The following ZBTB7C variants were observed in gnomAD, a reference collection of about 807,000 sequenced individuals.
The protein encoded by ZBTB7C is zinc finger and BTB domain containing 7C.
In ZBTB7C, 8 loss-of-function variants were observed where a neutral mutation model predicts 25.7. The ratio of observed to expected loss-of-function variants is 0.31; its 90% CI spans 0.18 to 0.56. The LOEUF is 0.56. ZBTB7C is among the 20% of genes least tolerant of loss of function. The pLI, the probability that ZBTB7C is intolerant of heterozygous loss-of-function variation, is 0.91. For synonymous variants in ZBTB7C, 394 were observed against 369.0 expected, an observed-to-expected ratio of 1.07 and a Z score of -0.78; for missense variants, 824 against 855.2, an observed-to-expected ratio of 0.96 and a Z score of 0.46.
intron 2 of ZBTB7C, among the ~76,000 whole-genome samples, chr18:48,216,095 G>A (rs1177446653): frequency 6.6e-6 from 1 of 152,132 alleles, no homozygotes; most frequent in Admixed American, 6.5e-5. Flanking sequence ...CTAGTTTTTC[G>A]GGTTTCTATG....
chr18:48,382,356 G>A (rs1173840937), intron 1 of ZBTB7C, among the ~76,000 whole-genome samples: 2 of 152,156 alleles, frequency 1.3e-5, no homozygotes, highest in South Asian at 2.1e-4. Context: ...ACTAAAAAAC[G>A]ACAAATAATG....
In ZBTB7C at chr18:48,103,112, TTATCTATCTATCTATC is replaced by T. The variant is rs61043835; in HGVS notation, c.-16-62005_-16-61990del. Among the ~76,000 whole-genome samples, 311 of 130,960 alleles carry T rather than the reference TTATCTATCTATCTATC, an allele frequency of 2.4e-3. 4 individuals carry two copies. Among genetic ancestry groups the T allele is most frequent in the Non-Finnish European group, 2.8e-3 (182 of 64,052 alleles). 85.9% of individuals were successfully genotyped at this position (130,960 alleles called of 152,430 possible). On this transcript the variant is annotated intron_variant, in intron 3 of 4. Transcript: ENST00000590800. ...TCTTATATATATTATATATTTTATA[TTATCTATCTATCTATC>T]TATCTATCTATCTATCTATCTATCT...
At chr18:48,367,347 C>CATATATATATATATAT (rs58569472) in intron 1 of ZBTB7C, among the ~76,000 whole-genome samples, 88 of 44,806 alleles carry the variant, frequency 2.0e-3, no homozygotes, top group African/African-American at 4.6e-3. Flanking sequence ...TATATGTGTG[C>CATATATATATATATAT]ATATATATAT....
At chr18:48,311,840 C>G (rs1190146985) in intron 2 of ZBTB7C, among the ~76,000 whole-genome samples, 3 of 152,196 alleles carry the variant, frequency 2.0e-5, no homozygotes, top group Non-Finnish European at 4.4e-5. Context: ...GTAGAAAAAG[C>G]AGCCATTTTA....
At chr18:48,273,903 G>C (rs191749647) in intron 2 of ZBTB7C, among the ~76,000 whole-genome samples, 68 of 152,042 alleles carry the variant, frequency 4.5e-4, no homozygotes, top group African/African-American at 1.6e-3. Context: ...CAATAAGAAG[G>C]TGTTATTTTG....
intron 2 of ZBTB7C, among the ~76,000 whole-genome samples, chr18:48,236,434 G>A (rs1179686870): frequency 1.3e-5 from 2 of 152,138 alleles, no homozygotes; most frequent in African/African-American, 2.4e-5. Context: ...CTAGGGAAAC[G>A]GATAAACTTA....
intron 3 of ZBTB7C, among the ~76,000 whole-genome samples, chr18:48,046,507 A>G (rs1030924603): frequency 6.6e-6 from 1 of 152,232 alleles, no homozygotes; most frequent in African/African-American, 2.4e-5. Context: ...CTCTATGGAG[A>G]GCCAAGTTTT....
At chr18:48,112,996 A>G (rs1444836942) in intron 3 of ZBTB7C, among the ~76,000 whole-genome samples, 1 of 152,230 alleles carries the variant, frequency 6.6e-6, no homozygotes. Flanking sequence ...CGTGTAGACA[A>G]CACCAGGCCC....
intron 2 of ZBTB7C, among the ~76,000 whole-genome samples, chr18:48,297,178 C>T (rs989765123): frequency 2.6e-5 from 4 of 152,208 alleles, no homozygotes; most frequent in Non-Finnish European, 5.9e-5. Context: ...CAAAGAGTGG[C>T]TTACTACCCA....
intron 3 of ZBTB7C, among the ~76,000 whole-genome samples, chr18:48,176,616 C>CGTGTGTGTGTGTGTGT (rs10533963): frequency 0.011 from 1,683 of 149,730 alleles, 16 homozygotes; most frequent in Non-Finnish European, 0.017. Context: ...AGGAAATACA[C>CGTGTGTGTGTGTGTGT]GTGTGTGTGT....
intron 3 of ZBTB7C, among the ~76,000 whole-genome samples, chr18:48,102,707 G>A (rs2038875469): frequency 6.6e-6 from 1 of 152,108 alleles, no homozygotes. Context: ...CAGGAGATGT[G>A]ATGAGGTTGC....
intron 3 of ZBTB7C, among the ~76,000 whole-genome samples, chr18:48,137,523 T>C (rs1202874128): frequency 6.6e-6 from 1 of 152,240 alleles, no homozygotes; most frequent in African/African-American, 2.4e-5. Flanking sequence ...TGTCTGTCTT[T>C]TTAGAGGCAA....
rs544095146 is a variant in ZBTB7C, at chr18:48,120,268, G to A, written c.-17+65666C>T. Among the ~76,000 whole-genome samples the A allele has an allele frequency of 2.0e-5, 3 of 152,286 alleles. No individual in the cohort carries two copies. In the East Asian group the frequency reaches 5.8e-4, roughly 29 times the overall value. On this transcript the variant is annotated intron_variant, in intron 3 of 4. Transcript: ENST00000590800. ...GGAAGGCTCCGAGCAGAAGCAGGGT[G>A]ACAGGAGATGAGGTGGGAGCTGAGG...
intron 3 of ZBTB7C, among the ~76,000 whole-genome samples, chr18:48,117,459 A>T (rs1377087330): frequency 6.6e-6 from 1 of 152,208 alleles, no homozygotes; most frequent in East Asian, 1.9e-4. Flanking sequence ...TGGGTGTCAG[A>T]GAGAGACCAC....
At chr18:48,119,322 G>C (rs866204595) in intron 3 of ZBTB7C, among the ~76,000 whole-genome samples, 1 of 152,198 alleles carries the variant, frequency 6.6e-6, no homozygotes, top group African/African-American at 2.4e-5. Context: ...TTTCCACCAG[G>C]TGAGAAGGAG....
At chr18:48,316,570 T>C (rs905113134) in intron 2 of ZBTB7C, among the ~76,000 whole-genome samples, 5 of 152,230 alleles carry the variant, frequency 3.3e-5, no homozygotes, top group African/African-American at 1.2e-4. Context: ...CCCTTGGCAA[T>C]GAGTGACTTC....
intron 3 of ZBTB7C, among the ~76,000 whole-genome samples, chr18:48,130,018 C>G (rs1598934846): frequency 1.3e-5 from 2 of 152,292 alleles, no homozygotes; most frequent in Non-Finnish European, 1.5e-5. Flanking sequence ...TCTGAGCAGC[C>G]TGCTGATGGC....
Position 48,303,200 on chromosome 18 carries a change from C to G in ZBTB7C, c.-79+34974G>C, listed in dbSNP as rs115003552. Among the ~76,000 whole-genome samples the G allele has an allele frequency of 9.9e-3, 1,507 of 152,322 alleles. 24 individuals are homozygous for G. Among genetic ancestry groups the G allele is most frequent in the African/African-American group, 0.035 (1,447 of 41,554 alleles). On this transcript the variant is annotated intron_variant, in intron 2 of 4. Transcript: ENST00000590800. ...TTTCTGTCTTGCTCCTTGACTTGAT[C>G]TCTCATGAGAGTGGAGGAGCCAGAA...
At chr18:48,232,661 T>G (rs112939539) in intron 2 of ZBTB7C, among the ~76,000 whole-genome samples, 27 of 152,182 alleles carry the variant, frequency 1.8e-4, no homozygotes, top group African/African-American at 6.3e-4. Flanking sequence ...TTTGCAGTAA[T>G]TGAAAGACAT....
Sources: gnomAD v4.1 joint callset for allele counts (sites outside exome capture counted in the v4.1 genomes callset) on GRCh38, gnomAD v4.1.1 for gene constraint, MANE v1.5 for transcripts, NCBI Gene and HGNC (gene_info 2026-07-23, HGNC 2026-07-21) for gene names.